The following DISP1 variants were observed in gnomAD, a reference collection of about 807,000 sequenced individuals.
DISP1 encodes the protein protein dispatched homolog 1.
DISP1 carries 30 observed loss-of-function variants against 37.3 expected under a neutral mutation model. The observed-to-expected ratio is 0.80, with a 90% CI of 0.60 to 1.09. DISP1 has a LOEUF of 1.09. Among genes scored for constraint, DISP1 ranks in the 50% least tolerant of loss-of-function variants. The probability of loss-of-function intolerance (pLI) is 0.00; values close to 1 mark genes in which losing one functional copy is unlikely to be tolerated. For synonymous variants in DISP1, 634 were observed against 690.2 expected (o/e 0.92, Z 1.28); for missense variants, 1,598 against 1,879.5 (o/e 0.85, Z 2.77).
At chr1:222,882,759 C>T (rs565919493) in intron 1 of DISP1, among the ~76,000 whole-genome samples, 50 of 152,146 alleles carry the variant, frequency 3.3e-4, no homozygotes, top group Non-Finnish European at 6.5e-4. Context: ...TCTTTATCTT[C>T]TATGACAGGC....
chr1:222,950,620 A>G lies in DISP1; in HGVS notation c.509+7288A>G, dbSNP rs1012909201. 3.8e-4 allele frequency among the ~76,000 whole-genome samples: 57 copies of G among 150,814 alleles called. 2 individuals carry two copies. The highest frequency in any genetic ancestry group is 1.5e-5 in the Non-Finnish European group (1 of 67,792). ...GTCTCAAAAAAAAAAAACCCATGTG[A>G]GAAAGGTAAAGAGAACAAGATTGTG... On this transcript the variant is annotated intron_variant, in intron 3 of 8. Transcript: ENST00000675850.
intron 3 of DISP1, among the ~76,000 whole-genome samples, chr1:222,980,693 A>T (rs1677768300): frequency 6.6e-6 from 1 of 152,148 alleles, no homozygotes; most frequent in East Asian, 1.9e-4. Flanking sequence ...TTAGATTTTT[A>T]AAAAATGAAT....
At chr1:222,993,405 CT>C (rs1293757003) in intron 7 of DISP1, among the ~76,000 whole-genome samples, 1 of 152,160 alleles carries the variant, frequency 6.6e-6, no homozygotes, top group Non-Finnish European at 1.5e-5. Flanking sequence ...CATTAAAGCT[CT>C]TTTGATTTCA....
chr1:222,914,942 G>T (rs1672411122), intron 1 of DISP1, among the ~76,000 whole-genome samples: 1 of 152,152 alleles, frequency 6.6e-6, no homozygotes, highest in Non-Finnish European at 1.5e-5. Context: ...AGTCCAGCTT[G>T]GTTGTCAGAG....
At chr1:222,901,968 T>G (rs1371791186) in intron 1 of DISP1, among the ~76,000 whole-genome samples, 1 of 152,192 alleles carries the variant, frequency 6.6e-6, no homozygotes, top group African/African-American at 2.4e-5. Context: ...TATTCTCTGA[T>G]GGTAGTTTGT....
At chr1:222,861,137 C>T (rs1030759965) in intron 1 of DISP1, among the ~76,000 whole-genome samples, 1 of 152,050 alleles carries the variant, frequency 6.6e-6, no homozygotes, top group Non-Finnish European at 1.5e-5. Context: ...TTCTCTATTT[C>T]CTTTGCCGAC....
At chr1:222,972,191 A>G (rs1260309070) in intron 3 of DISP1, among the ~76,000 whole-genome samples, 1 of 152,120 alleles carries the variant, frequency 6.6e-6, no homozygotes, top group Admixed American at 6.5e-5. Context: ...GTTTATCCAA[A>G]ATGTCACCAG....
At chr1:222,936,863 T>A (rs1237970947) in intron 2 of DISP1, among the ~76,000 whole-genome samples, 1 of 64,782 alleles carries the variant, frequency 1.5e-5, no homozygotes, top group African/African-American at 6.4e-5. Flanking sequence ...ATATATAATT[T>A]ATATATCATA....
Position 222,992,117 on chromosome 1 carries a change from G to T in DISP1, c.889+7G>T, listed in dbSNP as rs756543140. 1 of 1,606,382 alleles carries T rather than the reference G, an allele frequency of 6.2e-7. No individual in the cohort carries two copies. The stretch of plus-strand genomic sequence containing the variant: ...TTTTTCTGCGACGTTCCAAGTGAGT[G>T]ACATTGTAGATGAACAAACCACTCA... On this transcript the variant is annotated splice_region_variant and intron_variant, in intron 7 of 8. Coordinates refer to ENST00000675850, the MANE Select transcript of DISP1 (RefSeq NM_001377229.1).
At chr1:222,906,737 C>T (rs1380196265) in intron 1 of DISP1, among the ~76,000 whole-genome samples, 1 of 152,240 alleles carries the variant, frequency 6.6e-6, no homozygotes, top group Non-Finnish European at 1.5e-5. Context: ...AAGAAATAAC[C>T]ATAAAAATGG....
At chr1:222,985,193 A>G (rs1330712973) in intron 4 of DISP1, among the ~76,000 whole-genome samples, 1 of 152,224 alleles carries the variant, frequency 6.6e-6, no homozygotes, top group East Asian at 1.9e-4. Flanking sequence ...CTCTGTTATT[A>G]AATTGGTGTT....
At chr1:222,848,285 A>G (rs1301369231) in intron 1 of DISP1, among the ~76,000 whole-genome samples, 1 of 152,202 alleles carries the variant, frequency 6.6e-6, no homozygotes, top group Non-Finnish European at 1.5e-5. Flanking sequence ...GCATTAAATG[A>G]GAATGCACAT....
intron 3 of DISP1, among the ~76,000 whole-genome samples, chr1:222,947,059 G>A (rs922264686): frequency 6.6e-6 from 1 of 152,094 alleles, no homozygotes; most frequent in Non-Finnish European, 1.5e-5. Flanking sequence ...CCATTTTTAA[G>A]TATACAGTTT....
intron 1 of DISP1, among the ~76,000 whole-genome samples, chr1:222,902,122 A>G (rs575698305): frequency 1.8e-4 from 28 of 152,080 alleles, no homozygotes; most frequent in Admixed American, 8.5e-4. Context: ...TGGATTCATT[A>G]ATTTTTTGAA....
At chr1:222,854,588 T>G (rs1255942221) in intron 1 of DISP1, among the ~76,000 whole-genome samples, 1 of 152,094 alleles carries the variant, frequency 6.6e-6, no homozygotes, top group African/African-American at 2.4e-5. Flanking sequence ...CTTGAGTCAC[T>G]GTTTTGGAGA....
At chr1:222,865,551 G>A (rs898715084) in intron 1 of DISP1, among the ~76,000 whole-genome samples, 1 of 152,084 alleles carries the variant, frequency 6.6e-6, no homozygotes, top group Non-Finnish European at 1.5e-5. Context: ...TATACAAATA[G>A]TCTTCTTTTC....
chr1:222,909,619 C>T lies in DISP1; in HGVS notation c.-158-18811C>T, dbSNP rs80005715. Among the ~76,000 whole-genome samples, 36 of 152,258 alleles carry T rather than the reference C, an allele frequency of 2.4e-4. No homozygotes were observed. The East Asian group carries it at 3.5e-3, about 15-fold the overall frequency. ...CAGTCACATAGCTCCATGAAGTTCT[C>T]GTTTCAACACCATATCCCACATGGC... is the stretch of plus-strand genomic sequence containing the variant. On this transcript the variant is annotated intron_variant, in intron 1 of 8. Transcript: ENST00000675850.
chr1:222,997,007 A>T (rs1348698833), intron 8 of DISP1, among the ~76,000 whole-genome samples: 1 of 151,260 alleles, frequency 6.6e-6, no homozygotes, highest in Non-Finnish European at 1.5e-5. Flanking sequence ...TAAAAGTAGT[A>T]TAGTCTCTCA....
chr1:222,949,543 G>C (rs1245104909), intron 3 of DISP1, among the ~76,000 whole-genome samples: 1 of 152,146 alleles, frequency 6.6e-6, no homozygotes, highest in Non-Finnish European at 1.5e-5. Flanking sequence ...TATATTTGTA[G>C]ATTCCTGTCC....
Sources: allele counts gnomAD v4.1 joint callset (sites outside exome capture counted in the v4.1 genomes callset), GRCh38; gene constraint gnomAD v4.1.1; transcripts MANE v1.5; gene names NCBI Gene and HGNC (gene_info 2026-07-23, HGNC 2026-07-21).